Variants in RBFOX1 observed in about 807,000 individuals in gnomAD.
The protein encoded by RBFOX1 is RNA binding fox-1 homolog 1.
RBFOX1 carries 8 observed loss-of-function variants against 57.7 expected under a neutral mutation model. The observed-to-expected ratio is 0.14, with a 90% CI of 0.08 to 0.25. The LOEUF (loss-of-function observed/expected upper bound fraction) is 0.25. Ranked by LOEUF, RBFOX1 falls within the 10% of genes least tolerant of loss-of-function variation. RBFOX1 has a pLI of 1.00. For synonymous variants in RBFOX1, 326 were observed against 222.4 expected (o/e 1.47, Z -4.15); for missense variants, 611 against 548.5 (o/e 1.11, Z -1.14).
Position 5,637,546 on chromosome 16 carries a change from G to A in RBFOX1, c.318+38585G>A, listed in dbSNP as rs530753442. Among the ~76,000 whole-genome samples the A allele has an allele frequency of 8.5e-5, 13 of 152,308 alleles. No individual in the cohort carries two copies. The South Asian group carries it at 2.3e-3, about 27-fold the overall frequency. ...ATGCACCTAGACTATTGAACACCTAGTGTATCCTCAATAAATCTAGTTTTA... is the reference window on the plus strand; with the variant it reads ...ATGCACCTAGACTATTGAACACCTAATGTATCCTCAATAAATCTAGTTTTA... On this transcript the variant is annotated intron_variant, in intron 3 of 19. Transcript: ENST00000641259.
chr16:6,355,927 T>C (rs752268894), intron 2 of RBFOX1, among the ~76,000 whole-genome samples: 1 of 152,104 alleles, frequency 6.6e-6, no homozygotes, highest in Non-Finnish European at 1.5e-5. Context: ...ACAAAATGGG[T>C]GTAGGTCAAG....
intron 4 of RBFOX1, among the ~76,000 whole-genome samples, chr16:6,009,065 A>G (rs1392510930): frequency 6.6e-6 from 1 of 150,674 alleles, no homozygotes; most frequent in East Asian, 1.9e-4. Flanking sequence ...AGAAAATTCT[A>G]CGTGCTATCA....
chr16:7,574,208 G>C (rs1008198533), intron 5 of RBFOX1, among the ~76,000 whole-genome samples: 12 of 152,164 alleles, frequency 7.9e-5, no homozygotes, highest in Non-Finnish European at 1.6e-4. Flanking sequence ...ATTGCATCCA[G>C]GGCCATGATC....
chr16:6,109,396 C>T (rs759477971), intron 1 of RBFOX1, among the ~76,000 whole-genome samples: 3 of 152,164 alleles, frequency 2.0e-5, no homozygotes, highest in African/African-American at 7.2e-5. Flanking sequence ...TGGGTCTCCT[C>T]TACTGACTTA....
At chr16:6,459,342 T>G (rs539076984) in intron 2 of RBFOX1, among the ~76,000 whole-genome samples, 27 of 152,262 alleles carry the variant, frequency 1.8e-4, no homozygotes, top group Non-Finnish European at 1.2e-4. Context: ...GCAAGTTTTC[T>G]TTATTCAGGA....
At chr16:7,393,740 G>T (rs1337908761) in intron 4 of RBFOX1, among the ~76,000 whole-genome samples, 1 of 152,136 alleles carries the variant, frequency 6.6e-6, no homozygotes, top group East Asian at 1.9e-4. Flanking sequence ...TGGCCACAAG[G>T]TGTCCCCCAG....
downstream of RBFOX1, among the ~76,000 whole-genome samples, chr16:5,602,137 G>C (rs183861987): frequency 1.6e-3 from 237 of 152,336 alleles, no homozygotes; most frequent in African/African-American, 5.5e-3. Flanking sequence ...TCAGCTTCCT[G>C]TCTTGCCTTG....
chr16:5,383,902 A>C (rs2066193014), intron 1 of RBFOX1, among the ~76,000 whole-genome samples: 1 of 152,310 alleles, frequency 6.6e-6, no homozygotes, highest in African/African-American at 2.4e-5. Flanking sequence ...GGCTTGATCT[A>C]GGAGCTTGGC....
chr16:7,234,606 GTGTA>G (rs998044353), intron 4 of RBFOX1, among the ~76,000 whole-genome samples: 14 of 150,512 alleles, frequency 9.3e-5, no homozygotes, highest in Admixed American at 4.0e-4. Flanking sequence ...GTGTGTGTGT[GTGTA>G]TATATATGTT....
intron 4 of RBFOX1, among the ~76,000 whole-genome samples, chr16:7,111,887 C>T (rs976931916): frequency 1.3e-5 from 2 of 152,004 alleles, no homozygotes; most frequent in African/African-American, 4.8e-5. Flanking sequence ...TGAAAAGCTG[C>T]TGACTGGCTG....
Position 6,139,460 on chromosome 16 carries a change from C to G in RBFOX1, c.-127+119468C>G, listed in dbSNP as rs185038786. ...GCAAGAGAAATCTCTTACAACCTGC[C>G]CATTCAGCACAGTTCAGCCTGAAGA... On this transcript the variant is annotated intron_variant, in intron 1 of 15. Coordinates refer to ENST00000550418, the MANE Select transcript of RBFOX1 (RefSeq NM_018723.4). Among the ~76,000 whole-genome samples, 57 of 152,264 alleles carry G rather than the reference C, an allele frequency of 3.7e-4. No homozygotes were observed. In the East Asian group the frequency reaches 9.1e-3, roughly 24 times the overall value.
intron 2 of RBFOX1, among the ~76,000 whole-genome samples, chr16:6,454,056 G>C (rs912055106): frequency 1.3e-5 from 2 of 152,166 alleles, no homozygotes; most frequent in Non-Finnish European, 2.9e-5. Flanking sequence ...TGGTCTTTCT[G>C]TGTCTGTGTC....
intron 1 of RBFOX1, among the ~76,000 whole-genome samples, chr16:5,293,272 C>T (rs752309085): frequency 1.3e-5 from 2 of 152,124 alleles, no homozygotes; most frequent in Non-Finnish European, 2.9e-5. Flanking sequence ...CCTGTGTCCA[C>T]ACCCCATGAA....
chr16:7,367,527 C>T (rs2147089107), intron 4 of RBFOX1, among the ~76,000 whole-genome samples: 1 of 152,316 alleles, frequency 6.6e-6, no homozygotes, highest in South Asian at 2.1e-4. Flanking sequence ...CATCGTGAAA[C>T]ATCTCTTCCA....
chr16:6,003,404 C>A (rs1596382665), intron 4 of RBFOX1, among the ~76,000 whole-genome samples: 1 of 152,202 alleles, frequency 6.6e-6, no homozygotes, highest in South Asian at 2.1e-4. Context: ...TTCCTCCTCT[C>A]AATGCACCTG....
intron 4 of RBFOX1, among the ~76,000 whole-genome samples, chr16:7,220,287 C>T (rs145626902): frequency 1.3e-5 from 2 of 152,144 alleles, no homozygotes; most frequent in African/African-American, 4.8e-5. Context: ...CCCATTTTTC[C>T]TGGCTCTGAC....
chr16:5,866,389 G>A (rs541624122), intron 3 of RBFOX1, among the ~76,000 whole-genome samples: 2 of 152,280 alleles, frequency 1.3e-5, no homozygotes, highest in African/African-American at 2.4e-5. Flanking sequence ...GGGGTTAGGG[G>A]TTCATTATAT....
At position 5,526,094 on chromosome 16, in the gene RBFOX1, C is replaced by T. The variant is rs1025107467; in HGVS notation, c.258+58840C>T. Among the ~76,000 whole-genome samples the T allele has an allele frequency of 2.6e-5, 4 of 151,972 alleles. No homozygotes were observed. In the South Asian group the frequency reaches 8.3e-4, roughly 32 times the overall value. On this transcript the variant is annotated intron_variant, in intron 2 of 2. Transcript: ENST00000585867. ...GCATGTGTAGACAGTACCAGCCCCT[C>T]TCTTTTATTTTCTCAGCCTCCTTGG...
intron 4 of RBFOX1, among the ~76,000 whole-genome samples, chr16:7,251,421 TCTGTGGGGGATGGAGTTTTG>T (rs2094495873): frequency 6.7e-6 from 1 of 148,676 alleles, no homozygotes; most frequent in Non-Finnish European, 1.5e-5. Context: ...TTTTTTTTTT[TCTGTGGGGGATGGAGTTTTG>T]TTCTTGTTGC....
Sources: gnomAD v4.1 joint callset for allele counts (sites outside exome capture counted in the v4.1 genomes callset) on GRCh38, gnomAD v4.1.1 for gene constraint, MANE v1.5 for transcripts, NCBI Gene and HGNC (gene_info 2026-07-23, HGNC 2026-07-21) for gene names.